Variants in EEPD1 observed in about 807,000 individuals in gnomAD.
EEPD1 encodes endonuclease/exonuclease/phosphatase family domain-containing protein 1.
EEPD1 carries 17 observed loss-of-function variants against 46.3 expected under a neutral mutation model. The ratio of observed to expected loss-of-function variants is 0.37; its 90% CI spans 0.25 to 0.55. The LOEUF is 0.55. Ranked by LOEUF, EEPD1 falls within the 20% of genes least tolerant of loss-of-function variation. The pLI is 0.83. For missense variants in EEPD1, 673 were observed against 745.6 expected (o/e 0.90, Z 1.13); for synonymous variants, 313 against 315.6 (o/e 0.99, Z 0.09).
intron 2 of EEPD1, among the ~76,000 whole-genome samples, chr7:36,176,203 G>A (rs550412907): frequency 5.9e-5 from 9 of 152,352 alleles, no homozygotes; most frequent in African/African-American, 1.9e-4. Flanking sequence ...TCTGAGAAAG[G>A]CCCCTGGGAA....
chr7:36,266,309 T>C (rs1354661062), intron 3 of EEPD1, among the ~76,000 whole-genome samples: 1 of 152,198 alleles, frequency 6.6e-6, no homozygotes, highest in Non-Finnish European at 1.5e-5. Flanking sequence ...ATTCCAAGAA[T>C]TACTGGGCTG....
intron 2 of EEPD1, among the ~76,000 whole-genome samples, chr7:36,187,723 T>G (rs1419841756): frequency 6.6e-6 from 1 of 152,252 alleles, no homozygotes; most frequent in Non-Finnish European, 1.5e-5. Flanking sequence ...GCAGACAATC[T>G]GTCTGAGTCC....
chr7:36,189,208 G>A (rs984350621), intron 2 of EEPD1, among the ~76,000 whole-genome samples: 7 of 152,154 alleles, frequency 4.6e-5, no homozygotes, highest in East Asian at 1.9e-4. Context: ...ACTATCCAGC[G>A]CCTGACACAG....
rs1399528135 is a variant in EEPD1, at chr7:36,155,052, C to T, written c.728C>T (p.Ser243Phe). 4.4e-6 allele frequency: 7 copies of T among 1,599,186 alleles called. No homozygotes were observed. Among genetic ancestry groups the T allele is most frequent in the Non-Finnish European group, 5.1e-6 (6 of 1,171,374 alleles). Residue 243 changes from serine (S) to phenylalanine (F), a missense_variant, in exon 2 of 8, where the codon TCC (serine) becomes TTC (phenylalanine). Ser to Phe is a radical substitution (Grantham distance 155). Coordinates refer to ENST00000242108, the MANE Select transcript of EEPD1 (RefSeq NM_030636.3). ...LPPGGPTQII[S>F]TRPSVEAFGG... ...CCAGGGGGGCCCACCCAGATTATCTCCACTCGGCCGTCCGTGGAGGCCTTT... is the reference window on the plus strand; with the variant it reads ...CCAGGGGGGCCCACCCAGATTATCTTCACTCGGCCGTCCGTGGAGGCCTTT...
chr7:36,260,126 CAT>C (rs1188650824), intron 3 of EEPD1, among the ~76,000 whole-genome samples: 2 of 152,170 alleles, frequency 1.3e-5, no homozygotes, highest in African/African-American at 4.8e-5. Flanking sequence ...GAAATATGCA[CAT>C]ATGTGTCTTT....
At chr7:36,196,543 C>G (rs1013938282) in intron 2 of EEPD1, among the ~76,000 whole-genome samples, 1 of 152,236 alleles carries the variant, frequency 6.6e-6, no homozygotes, top group Non-Finnish European at 1.5e-5. Flanking sequence ...TGCCCAGTGC[C>G]TGCGATTGCA....
chr7:36,155,004 AGAGT>A lies in EEPD1; in HGVS notation c.684_687del (p.Ser228ArgfsTer33). ...CCGAGCCCCACTTCCCTGAGCCTGCAGAGTGAGGACCTGGACCTGCCGCCAGGGG... is the reference window on the plus strand; with the variant it reads ...CCGAGCCCCACTTCCCTGAGCCTGCAGAGGACCTGGACCTGCCGCCAGGGG... On this transcript the variant is annotated frameshift_variant, in exon 2 of 8. Transcript: ENST00000242108. LOFTEE classifies it high-confidence loss of function. 1 of 1,612,544 alleles carries A rather than the reference AGAGT, an allele frequency of 6.2e-7. No individual in the cohort carries two copies. Among genetic ancestry groups the A allele is most frequent in the Non-Finnish European group, 8.5e-7 (1 of 1,179,020 alleles).
chr7:36,184,065 C>G (rs979610791), intron 2 of EEPD1, among the ~76,000 whole-genome samples: 3 of 151,962 alleles, frequency 2.0e-5, no homozygotes, highest in African/African-American at 7.2e-5. Context: ...TCTGCAAAGG[C>G]TCAGATAGTA....
chr7:36,284,625 T>G (rs933747868), intron 4 of EEPD1, 61 bp from the exon 5 acceptor site: 18 of 1,568,628 alleles, frequency 1.1e-5, no homozygotes, highest in Non-Finnish European at 1.4e-5. Flanking sequence ...CCTCTCTGCC[T>G]CCTTTCCCCA....
chr7:36,298,741 A>C (rs1032761760), intron 7 of EEPD1, among the ~76,000 whole-genome samples: 1 of 152,192 alleles, frequency 6.6e-6, no homozygotes, highest in African/African-American at 2.4e-5. Context: ...CCATGTGCCC[A>C]TGTGTGTCTG....
chr7:36,244,958 T>G lies in EEPD1; in HGVS notation c.930+5922T>G, dbSNP rs375018714. ...CGGCTAATGTTTTTTTTTTGTTGTT[T>G]TTTTTGAGATGGAGTCTCGCTCTGT... On this transcript the variant is annotated intron_variant, in intron 3 of 7. Transcript: ENST00000242108. Among the ~76,000 whole-genome samples, 54 of 151,232 alleles carry G rather than the reference T, an allele frequency of 3.6e-4. No individual in the cohort carries two copies. In the South Asian group the frequency reaches 8.0e-3, roughly 22 times the overall value.
rs75808408 is a variant in EEPD1, at chr7:36,192,192, C to T, written c.878+36990C>T. 7.2e-3 allele frequency among the ~76,000 whole-genome samples: 1,103 copies of T among 152,306 alleles called. 8 individuals are homozygous for T. Among genetic ancestry groups the T allele is most frequent in the Non-Finnish European group, 9.5e-3 (645 of 68,036 alleles). ...AGATGCAATTTTTATTTTTAAACACCGTAAGTGATGGCGTGTGAGCAGTGA... is the reference window on the plus strand; with the variant it reads ...AGATGCAATTTTTATTTTTAAACACTGTAAGTGATGGCGTGTGAGCAGTGA... On this transcript the variant is annotated intron_variant, in intron 2 of 7. Coordinates refer to ENST00000242108, the MANE Select transcript of EEPD1 (RefSeq NM_030636.3).
intron 2 of EEPD1, among the ~76,000 whole-genome samples, chr7:36,173,481 G>A (rs554437877): frequency 6.6e-6 from 1 of 151,474 alleles, no homozygotes; most frequent in Admixed American, 6.6e-5. Context: ...CCTGGCGACA[G>A]AGTGAGACTC....
intron 3 of EEPD1, among the ~76,000 whole-genome samples, chr7:36,242,265 G>A (rs1226656168): frequency 6.6e-6 from 1 of 152,178 alleles, no homozygotes; most frequent in African/African-American, 2.4e-5. Flanking sequence ...GTTAGCTGCT[G>A]CCCATGTTCT....
intron 6 of EEPD1, among the ~76,000 whole-genome samples, chr7:36,290,980 G>A (rs951065590): frequency 6.6e-6 from 1 of 152,120 alleles, no homozygotes; most frequent in Admixed American, 6.5e-5. Context: ...GGATTCAATC[G>A]GAAGAACATG....
chr7:36,295,167 ACT>A (rs1470914742), intron 6 of EEPD1, among the ~76,000 whole-genome samples: 3 of 146,466 alleles, frequency 2.0e-5, no homozygotes, highest in Non-Finnish European at 4.5e-5. Context: ...ACACAGCAAG[ACT>A]CTGTCTCAAA....
chr7:36,266,639 G>C (rs977033611), intron 3 of EEPD1, among the ~76,000 whole-genome samples: 1 of 152,174 alleles, frequency 6.6e-6, no homozygotes, highest in African/African-American at 2.4e-5. Flanking sequence ...GCATTTAGGA[G>C]AGTCATATCG....
intron 3 of EEPD1, among the ~76,000 whole-genome samples, chr7:36,280,223 C>G (rs1787238788): frequency 6.6e-6 from 1 of 152,180 alleles, no homozygotes; most frequent in South Asian, 2.1e-4. Flanking sequence ...AGGAGAGCAG[C>G]TGGCGACGGG....
At chr7:36,176,674 G>A (rs1357184598) in intron 2 of EEPD1, among the ~76,000 whole-genome samples, 1 of 152,126 alleles carries the variant, frequency 6.6e-6, no homozygotes, top group Admixed American at 6.5e-5. Context: ...TTTGTGTACA[G>A]AGAAACATCT....
Sources: allele counts gnomAD v4.1 joint callset (sites outside exome capture counted in the v4.1 genomes callset), GRCh38; gene constraint gnomAD v4.1.1; transcripts MANE v1.5; gene names NCBI Gene and HGNC (gene_info 2026-07-23, HGNC 2026-07-21).